The following FNIP1 variants were observed in gnomAD, a reference collection of about 807,000 sequenced individuals.
The protein encoded by FNIP1 is folliculin-interacting protein 1.
FNIP1 carries 40 observed loss-of-function variants against 124.5 expected under a neutral mutation model. That is an observed-to-expected ratio of 0.32 (90% confidence interval 0.25 to 0.42). The LOEUF (loss-of-function observed/expected upper bound fraction) is 0.42. Ranked by LOEUF, FNIP1 falls within the 10% of genes least tolerant of loss-of-function variation. The pLI is 1.00. For missense variants in FNIP1, 1,176 were observed against 1,403.7 expected (o/e 0.84, Z 2.59); for synonymous variants, 472 against 470.6 (o/e 1.00, Z -0.04).
chr5:131,794,862 T>G (rs182300440), intron 1 of FNIP1, among the ~76,000 whole-genome samples: 112 of 152,004 alleles, frequency 7.4e-4, no homozygotes, highest in South Asian at 6.2e-3. Context: ...CTGCCACGGG[T>G]GAGGAGGAGT....
chr5:131,708,725 T>A (rs1769195056), intron 8 of FNIP1, among the ~76,000 whole-genome samples: 1 of 152,126 alleles, frequency 6.6e-6, no homozygotes, highest in African/African-American at 2.4e-5. Flanking sequence ...TTAATTTTTT[T>A]AATGTCCACC....
chr5:131,750,661 G>A (rs1770843301), intron 1 of FNIP1, among the ~76,000 whole-genome samples: 2 of 150,810 alleles, frequency 1.3e-5, no homozygotes, highest in African/African-American at 2.5e-5. Flanking sequence ...CTCTCAGGCT[G>A]GGGTGCAGTA....
At chr5:131,661,836 G>A (rs1346827717) in intron 15 of FNIP1, among the ~76,000 whole-genome samples, 1 of 152,178 alleles carries the variant, frequency 6.6e-6, no homozygotes, top group Non-Finnish European at 1.5e-5. Context: ...AATTAGATAA[G>A]TGAATGGTAA....
At chr5:131,685,846 C>A (rs1768257948) in intron 11 of FNIP1, among the ~76,000 whole-genome samples, 1 of 151,662 alleles carries the variant, frequency 6.6e-6, no homozygotes, top group Non-Finnish European at 1.5e-5. Context: ...TAGACAAATA[C>A]AAGGCTATAA....
chr5:131,671,460 A>C, intron 14 of FNIP1, 45 bp downstream of exon 14: 1 of 1,396,582 alleles, frequency 7.2e-7, no homozygotes, highest in Non-Finnish European at 9.8e-7. Context: ...AGAGAATGGT[A>C]CATATTTATA....
At chr5:131,661,218 TTTTGTGTGTGTGTGTGTGTG>T (rs1368693404) in intron 15 of FNIP1, among the ~76,000 whole-genome samples, 2 of 10,952 alleles carry the variant, frequency 1.8e-4, no homozygotes, top group Non-Finnish European at 6.7e-4. Flanking sequence ...CTTGTCTTTG[TTTTGTGTGTGTGTGTGTGTG>T]TGTGTGTGTG....
intron 1 of FNIP1, among the ~76,000 whole-genome samples, chr5:131,788,578 G>A (rs1772294997): frequency 6.6e-6 from 1 of 151,706 alleles, no homozygotes; most frequent in Non-Finnish European, 1.5e-5. Context: ...GCACGTGCCT[G>A]TAATCCCAGC....
intron 3 of FNIP1, among the ~76,000 whole-genome samples, chr5:131,725,252 A>T (rs1481170599): frequency 3.3e-5 from 5 of 152,154 alleles, no homozygotes; most frequent in Non-Finnish European, 7.4e-5. Flanking sequence ...TCAATGGTAG[A>T]TTGATGGGGA....
At chr5:131,781,419 C>A (rs1771992833) in intron 1 of FNIP1, among the ~76,000 whole-genome samples, 1 of 152,184 alleles carries the variant, frequency 6.6e-6, no homozygotes, top group Admixed American at 6.6e-5. Flanking sequence ...GAAATCAATG[C>A]CTGGCTTCCA....
At chr5:131,742,011 C>T (rs992381578) in intron 2 of FNIP1, among the ~76,000 whole-genome samples, 9 of 152,168 alleles carry the variant, frequency 5.9e-5, no homozygotes, top group African/African-American at 9.7e-5. Context: ...GACAGATGGA[C>T]GCTGCTTCCA....
intron 16 of FNIP1, among the ~76,000 whole-genome samples, chr5:131,648,965 C>T (rs1766968781): frequency 6.6e-6 from 1 of 152,140 alleles, no homozygotes; most frequent in Non-Finnish European, 1.5e-5. Context: ...GAGGTTCATC[C>T]ATGTTGTAGC....
chr5:131,774,714 C>T (rs1239710246), intron 1 of FNIP1, among the ~76,000 whole-genome samples: 2 of 152,152 alleles, frequency 1.3e-5, no homozygotes, highest in Non-Finnish European at 2.9e-5. Flanking sequence ...AAATTATCCA[C>T]TAGTATGATT....
intron 15 of FNIP1, among the ~76,000 whole-genome samples, chr5:131,663,210 A>G (rs1396068143): frequency 6.6e-6 from 1 of 152,252 alleles, no homozygotes; most frequent in Non-Finnish European, 1.5e-5. Context: ...TCTGGTAATA[A>G]AAGATTTTAA....
In FNIP1 at chr5:131,658,122, C is replaced by G. The variant is rs148124720; in HGVS notation, c.3109-6123G>C. 3.4e-3 allele frequency among the ~76,000 whole-genome samples: 512 copies of G among 151,070 alleles called. 4 individuals are homozygous for G. Among genetic ancestry groups the G allele is most frequent in the African/African-American group, 0.012 (487 of 41,124 alleles). ...CCATACCAGAGGAATGAACAAAAGA[C>G]AACTCGATAGAGACGAGTGCTTCCA... On this transcript the variant is annotated intron_variant, in intron 15 of 17. Coordinates refer to ENST00000510461, the MANE Select transcript of FNIP1 (RefSeq NM_133372.3).
intron 11 of FNIP1, among the ~76,000 whole-genome samples, chr5:131,686,884 A>C (rs1483868013): frequency 6.6e-6 from 1 of 151,780 alleles, no homozygotes; most frequent in Non-Finnish European, 1.5e-5. Context: ...AGTTTAAGCT[A>C]GTTATTACCA....
intron 1 of FNIP1, among the ~76,000 whole-genome samples, chr5:131,793,957 T>C (rs1187703999): frequency 6.6e-6 from 1 of 152,146 alleles, no homozygotes; most frequent in Non-Finnish European, 1.5e-5. Flanking sequence ...ATGCTGAATA[T>C]GATCTTCGGG....
At chr5:131,690,714 C>T (rs1768449953) in intron 11 of FNIP1, among the ~76,000 whole-genome samples, 1 of 152,052 alleles carries the variant, frequency 6.6e-6, no homozygotes, top group South Asian at 2.1e-4. Context: ...GACTAATAGC[C>T]GTGTTAACTT....
At chr5:131,714,468 C>A (rs1435577138) in intron 6 of FNIP1, among the ~76,000 whole-genome samples, 1 of 152,194 alleles carries the variant, frequency 6.6e-6, no homozygotes, top group African/African-American at 2.4e-5. Context: ...TGCACTGGTG[C>A]CCAACTACAC....
At chr5:131,661,055 G>A (rs963153321) in intron 15 of FNIP1, among the ~76,000 whole-genome samples, 8 of 152,142 alleles carry the variant, frequency 5.3e-5, no homozygotes, top group East Asian at 3.9e-4. Context: ...CCCCTTTGGC[G>A]GTTTCAATTG....
Sources: gnomAD v4.1 joint callset for allele counts (sites outside exome capture counted in the v4.1 genomes callset) on GRCh38, gnomAD v4.1.1 for gene constraint, MANE v1.5 for transcripts, NCBI Gene and HGNC (gene_info 2026-07-23, HGNC 2026-07-21) for gene names.